Variants in LDLRAD4 observed in about 807,000 individuals in gnomAD.
LDLRAD4 encodes the protein low-density lipoprotein receptor class A domain-containing protein 4.
LDLRAD4 carries 5 observed loss-of-function variants against 17.0 expected under a neutral mutation model. The observed-to-expected ratio is 0.29, with a 90% CI of 0.15 to 0.62. The LOEUF (loss-of-function observed/expected upper bound fraction) is 0.62, where lower values mean the gene tolerates loss of function less well. Among genes scored for constraint, LDLRAD4 ranks in the 20% least tolerant of loss-of-function variants. The pLI is 0.84. For missense variants in LDLRAD4, 340 were observed against 424.7 expected, an observed-to-expected ratio of 0.80 and a Z score of 1.75; for synonymous variants, 168 against 171.8, an observed-to-expected ratio of 0.98 and a Z score of 0.17.
At chr18:13,497,102 A>C (rs1043636928) in intron 3 of LDLRAD4, among the ~76,000 whole-genome samples, 1 of 152,234 alleles carries the variant, frequency 6.6e-6, no homozygotes, top group Non-Finnish European at 1.5e-5. Flanking sequence ...CATAATGAGC[A>C]TTCTCTAGTC....
intron 3 of LDLRAD4, among the ~76,000 whole-genome samples, chr18:13,539,370 T>C (rs1312339231): frequency 1.3e-4 from 20 of 152,204 alleles, no homozygotes; most frequent in Admixed American, 1.3e-3. Context: ...CAATTTCCTT[T>C]TGTTATATTT....
At chr18:13,594,051 TACAC>T (rs562649759) in intron 3 of LDLRAD4, among the ~76,000 whole-genome samples, 1 of 151,858 alleles carries the variant, frequency 6.6e-6, no homozygotes, top group Non-Finnish European at 1.5e-5. Flanking sequence ...CATATATTCA[TACAC>T]ACACACACAC....
chr18:13,651,649 A>AGTT (rs2043251319), exon 6 of LDLRAD4: 1 of 152,238 alleles, frequency 6.6e-6, no homozygotes, highest in Non-Finnish European at 1.5e-5. Context: ...GAACAAGAAA[A>AGTT]GTTTATAACA....
chr18:13,599,405 T>C (rs755797141), intron 3 of LDLRAD4, among the ~76,000 whole-genome samples: 14 of 152,222 alleles, frequency 9.2e-5, no homozygotes, highest in Non-Finnish European at 2.1e-4. Flanking sequence ...GTTACTCTTT[T>C]ACATAATTTC....
chr18:13,559,927 ATCTTCAAACCAAGATGTTGG>A lies in LDLRAD4; in HGVS notation c.182-61186_182-61167del, dbSNP rs1423104069. 2.6e-5 allele frequency among the ~76,000 whole-genome samples: 4 copies of A among 152,174 alleles called. No homozygotes were observed. In the South Asian group the frequency reaches 8.3e-4, roughly 32 times the overall value. On this transcript the variant is annotated intron_variant, in intron 3 of 5. Coordinates refer to ENST00000359446, the Ensembl canonical transcript of LDLRAD4. ...TGCTGCCCCTGACCAAGAAGTGCCT[ATCTTCAAACCAAGATGTTGG>A]TCTGCCGTTGCATAATCAACAGGGT...
intron 1 of LDLRAD4, among the ~76,000 whole-genome samples, chr18:13,322,308 TTTTG>T (rs1336421095): frequency 1.4e-5 from 2 of 147,266 alleles, no homozygotes; most frequent in African/African-American, 2.5e-5. Flanking sequence ...TTTTTTTTTT[TTTTG>T]GTTTTGAGAC....
At chr18:13,436,340 C>T (rs749719291) in intron 2 of LDLRAD4, among the ~76,000 whole-genome samples, 2 of 152,176 alleles carry the variant, frequency 1.3e-5, no homozygotes, top group East Asian at 1.9e-4. Flanking sequence ...GCAAGCATGT[C>T]GTGTCTCCCC....
At chr18:13,539,868 G>T (rs186617349) in intron 3 of LDLRAD4, among the ~76,000 whole-genome samples, 25 of 152,348 alleles carry the variant, frequency 1.6e-4, no homozygotes, top group Admixed American at 4.6e-4. Flanking sequence ...GTCAACACTG[G>T]AAGGGAGAAA....
chr18:13,246,635 G>T (rs1481904759), intron 1 of LDLRAD4, among the ~76,000 whole-genome samples: 2 of 152,226 alleles, frequency 1.3e-5, no homozygotes, highest in Non-Finnish European at 2.9e-5. Context: ...GCAGGAGTCT[G>T]TAAGGAAATG....
intron 3 of LDLRAD4, chr18:13,613,585 A>T (rs2039803284): frequency 6.6e-6 from 1 of 152,234 alleles, no homozygotes; most frequent in South Asian, 2.1e-4. Flanking sequence ...TGATCAGAAC[A>T]TATTTAGGTA....
chr18:13,628,075 C>G (rs946693393), intron 4 of LDLRAD4, among the ~76,000 whole-genome samples: 15 of 152,356 alleles, frequency 9.8e-5, no homozygotes, highest in South Asian at 8.3e-4. Context: ...TCGGAGGGCA[C>G]AGGGAGCAGG....
chr18:13,320,537 A>T (rs1379230811), intron 1 of LDLRAD4, among the ~76,000 whole-genome samples: 1 of 152,144 alleles, frequency 6.6e-6, no homozygotes, highest in African/African-American at 2.4e-5. Context: ...ATAGAGGGTA[A>T]TCCTGACTTT....
chr18:13,471,872 C>A (rs2092784739), intron 3 of LDLRAD4: 1 of 152,236 alleles, frequency 6.6e-6, no homozygotes, highest in South Asian at 2.1e-4. Flanking sequence ...TATATAGAAT[C>A]TTTGGCACTA....
intron 3 of LDLRAD4, among the ~76,000 whole-genome samples, chr18:13,580,810 C>T (rs189636028): frequency 6.6e-6 from 1 of 152,328 alleles, no homozygotes; most frequent in African/African-American, 2.4e-5. Flanking sequence ...AACTACGGCT[C>T]CCTTTCTAAT....
At chr18:13,229,842 C>T (rs970330248) in intron 1 of LDLRAD4, among the ~76,000 whole-genome samples, 1 of 152,190 alleles carries the variant, frequency 6.6e-6, no homozygotes, top group African/African-American at 2.4e-5. Context: ...ACGGTTGCCA[C>T]ACAGGGCTAA....
chr18:13,481,439 G>A (rs1626613), intron 3 of LDLRAD4, among the ~76,000 whole-genome samples: 147,522 of 152,290 alleles, frequency 0.97, 71,648 homozygotes, highest in East Asian at 1. Context: ...GTGGCTTGAC[G>A]CTGACTGCTG....
intron 3 of LDLRAD4, among the ~76,000 whole-genome samples, chr18:13,467,592 A>G (rs1002793822): frequency 2.6e-5 from 4 of 152,258 alleles, no homozygotes; most frequent in Admixed American, 6.5e-5. Context: ...TACAGATGCA[A>G]TACAATCCCT....
chr18:13,635,000 G>A (rs1371990556), intron 4 of LDLRAD4, among the ~76,000 whole-genome samples: 2 of 152,220 alleles, frequency 1.3e-5, no homozygotes, highest in Non-Finnish European at 2.9e-5. Flanking sequence ...CCTTTTCAGA[G>A]TGGTGATGGG....
chr18:13,601,155 A>T (rs1253679816), intron 3 of LDLRAD4, among the ~76,000 whole-genome samples: 1 of 152,220 alleles, frequency 6.6e-6, no homozygotes, highest in Non-Finnish European at 1.5e-5. Context: ...TTCACAGCTA[A>T]GTTTGTCATG....
Sources: allele counts gnomAD v4.1 joint callset (sites outside exome capture counted in the v4.1 genomes callset), GRCh38; gene constraint gnomAD v4.1.1; transcripts MANE v1.5; gene names NCBI Gene and HGNC (gene_info 2026-07-23, HGNC 2026-07-21).